Variants in CCSER1 observed in about 807,000 individuals in gnomAD.
CCSER1 encodes serine-rich coiled-coil domain-containing protein 1.
Under a neutral mutation model 82.0 loss-of-function variants are expected in CCSER1, and 41 were observed. That is an observed-to-expected ratio of 0.50 (90% confidence interval 0.39 to 0.65). CCSER1 has a LOEUF of 0.65. CCSER1 is among the 30% of genes least tolerant of loss of function. The pLI is 0.00. For synonymous variants in CCSER1, 414 were observed against 383.9 expected (o/e 1.08, Z -0.92); for missense variants, 1,119 against 1,064.2 (o/e 1.05, Z -0.72).
intron 9 of CCSER1, among the ~76,000 whole-genome samples, chr4:91,027,883 C>G (rs1325588477): frequency 6.6e-6 from 1 of 152,004 alleles, no homozygotes; most frequent in African/African-American, 2.4e-5. Flanking sequence ...ACTATATTGT[C>G]AGAAATAGCT....
rs138151530 is a variant in CCSER1 at position 91,307,643 on chromosome 4, G to A, written c.2217+221649G>A. On this transcript the variant is annotated intron_variant, in intron 10 of 10. Transcript: ENST00000509176. Reference sequence around the variant, plus strand: ...TAAGAAGAAAGTGAAACAATCTTGTGTCTACTGGAACCTGAAAGACCTTTT... The same window carrying A: ...TAAGAAGAAAGTGAAACAATCTTGTATCTACTGGAACCTGAAAGACCTTTT... Among the ~76,000 whole-genome samples, 74 of 152,088 alleles carry A rather than the reference G, an allele frequency of 4.9e-4. No individual in the cohort carries two copies. In the East Asian group the frequency reaches 0.013, roughly 28 times the overall value.
At chr4:91,133,613 A>G (rs1228288101) in intron 10 of CCSER1, among the ~76,000 whole-genome samples, 1 of 152,184 alleles carries the variant, frequency 6.6e-6, no homozygotes, top group Non-Finnish European at 1.5e-5. Flanking sequence ...GTGGGTGCTC[A>G]TAACACATAT....
Position 91,577,583 on chromosome 4 carries a change from T to C in CCSER1, c.2218-20989T>C, listed in dbSNP as rs190200696. 3.2e-3 allele frequency among the ~76,000 whole-genome samples: 485 copies of C among 152,118 alleles called. 11 individuals are homozygous for C. Among genetic ancestry groups the C allele is most frequent in the Admixed American group, 0.026 (402 of 15,234 alleles). ...AATGAACATCATAAAAGATGCCATA[T>C]CTAACCATGTTTAAGGACCTTGAAA... On this transcript the variant is annotated intron_variant, in intron 10 of 10. Transcript: ENST00000509176.
chr4:90,710,877 T>C (rs530571410), intron 6 of CCSER1, among the ~76,000 whole-genome samples: 32 of 152,028 alleles, frequency 2.1e-4, no homozygotes, highest in Non-Finnish European at 4.3e-4. Flanking sequence ...AATGTCAACA[T>C]GGTTTAATGG....
chr4:90,282,338 G>A (rs1180706648), intron 1 of CCSER1, among the ~76,000 whole-genome samples: 2 of 151,696 alleles, frequency 1.3e-5, no homozygotes, highest in Non-Finnish European at 2.9e-5. Context: ...TAAAAGCACT[G>A]TTTGGCGTAT....
chr4:91,498,424 C>T (rs1486321953), intron 10 of CCSER1, among the ~76,000 whole-genome samples: 4 of 150,356 alleles, frequency 2.7e-5, no homozygotes, highest in Non-Finnish European at 4.5e-5. Context: ...GAAAATCACT[C>T]CTGAGTTTAT....
intron 5 of CCSER1, among the ~76,000 whole-genome samples, chr4:90,557,683 C>T (rs1264512121): frequency 6.6e-6 from 1 of 152,052 alleles, no homozygotes; most frequent in Non-Finnish European, 1.5e-5. Context: ...TCATTTAATA[C>T]AAAATGTTTA....
intron 1 of CCSER1, among the ~76,000 whole-genome samples, chr4:90,246,881 A>G (rs1456530467): frequency 6.6e-6 from 1 of 150,918 alleles, no homozygotes; most frequent in Non-Finnish European, 1.5e-5. Context: ...TTCTTTCTTT[A>G]TTAGGTTGAG....
chr4:91,438,272 T>C (rs962722428), intron 10 of CCSER1, among the ~76,000 whole-genome samples: 8 of 152,214 alleles, frequency 5.3e-5, no homozygotes, highest in Non-Finnish European at 7.4e-5. Flanking sequence ...CCGGGTACTC[T>C]TCTGAGACAA....
rs568053731 is a variant in CCSER1, at chr4:91,160,981, C to T, written c.2217+74987C>T. On this transcript the variant is annotated intron_variant, in intron 10 of 10. Transcript: ENST00000509176. ...TTTAGTCATGAAGTTCTTTCCCATGCCTATGTCTTGAATGGTATTGCCTAG... is the reference window on the plus strand; with the variant it reads ...TTTAGTCATGAAGTTCTTTCCCATGTCTATGTCTTGAATGGTATTGCCTAG... Among the ~76,000 whole-genome samples the T allele has an allele frequency of 2.3e-4, 35 of 152,174 alleles. No homozygotes were observed. In the South Asian group the frequency reaches 7.1e-3, roughly 31 times the overall value.
intron 10 of CCSER1, among the ~76,000 whole-genome samples, chr4:91,470,686 A>AT (rs1185830913): frequency 6.6e-6 from 1 of 152,134 alleles, no homozygotes; most frequent in Non-Finnish European, 1.5e-5. Flanking sequence ...TTTAGGTTGA[A>AT]TATGGTATCA....
chr4:91,416,870 A>G (rs985536868), intron 10 of CCSER1, among the ~76,000 whole-genome samples: 1 of 152,186 alleles, frequency 6.6e-6, no homozygotes, highest in African/African-American at 2.4e-5. Context: ...TACTTAAACT[A>G]AAGAGTTTCT....
rs989174068 is a variant in CCSER1, at chr4:90,781,740, A to C, written c.2011-34022A>C. 6.2e-6 allele frequency: 6 copies of C among 968,806 alleles called. No individual in the cohort carries two copies. The African/African-American group carries it at 8.8e-5, about 14-fold the overall frequency. The allele number at this position is 968,806 out of a possible 1,614,324, so 60.0% of individuals were successfully genotyped here. On this transcript the variant is annotated intron_variant, in intron 7 of 10. Transcript: ENST00000509176. ...CAGTTTTATATAGCCATTGTTTGCA[A>C]GTATGAAAACCTGTCTTTTGTTACT...
chr4:90,827,450 C>G (rs557449381), intron 8 of CCSER1, among the ~76,000 whole-genome samples: 1 of 152,104 alleles, frequency 6.6e-6, no homozygotes, highest in Non-Finnish European at 1.5e-5. Flanking sequence ...CTATGCTATA[C>G]AGGCATTACA....
intron 10 of CCSER1, among the ~76,000 whole-genome samples, chr4:91,413,866 G>A (rs74354627): frequency 0.13 from 19,430 of 152,040 alleles, 1,396 homozygotes; most frequent in Middle Eastern, 0.19. Context: ...AACCTTACAA[G>A]CCAGGAGAGA....
chr4:91,408,469 A>T (rs1752836773), intron 10 of CCSER1, among the ~76,000 whole-genome samples: 1 of 152,226 alleles, frequency 6.6e-6, no homozygotes, highest in Non-Finnish European at 1.5e-5. Flanking sequence ...TTAAGCAAAT[A>T]TATTACATCC....
chr4:90,638,667 T>C (rs1725901406), intron 6 of CCSER1, among the ~76,000 whole-genome samples: 1 of 152,190 alleles, frequency 6.6e-6, no homozygotes, highest in South Asian at 2.1e-4. Context: ...CTGGTTATGC[T>C]GCTGTACAAC....
intron 10 of CCSER1, among the ~76,000 whole-genome samples, chr4:91,583,495 T>C (rs919890603): frequency 6.6e-6 from 1 of 151,410 alleles, no homozygotes; most frequent in African/African-American, 2.4e-5. Context: ...AATTATGATA[T>C]GTTCTGAGTT....
intron 9 of CCSER1, among the ~76,000 whole-genome samples, chr4:90,990,819 T>G (rs1008445478): frequency 6.6e-6 from 1 of 151,974 alleles, no homozygotes; most frequent in Non-Finnish European, 1.5e-5. Flanking sequence ...ATTGGGCATT[T>G]ATGGGAACAA....
Sources: allele counts gnomAD v4.1 joint callset (sites outside exome capture counted in the v4.1 genomes callset), GRCh38; gene constraint gnomAD v4.1.1; transcripts MANE v1.5; gene names NCBI Gene and HGNC (gene_info 2026-07-23, HGNC 2026-07-21).